CCDC148: variants seen among roughly 807,000 people sequenced by gnomAD.
CCDC148 encodes coiled-coil domain-containing protein 148.
In CCDC148, 89 loss-of-function variants were observed where a neutral mutation model predicts 85.7. The ratio of observed to expected loss-of-function variants is 1.04; its 90% CI spans 0.87 to 1.24. The LOEUF is 1.24. Ranked by LOEUF, CCDC148 falls within the 50% of genes most tolerant of loss-of-function variation. The probability of loss-of-function intolerance (pLI) is 0.00; values close to 1 mark genes in which losing one functional copy is unlikely to be tolerated. For synonymous variants in CCDC148, 230 were observed against 213.9 expected (o/e 1.08, Z -0.66); for missense variants, 692 against 671.7 (o/e 1.03, Z -0.33).
At chr2:158,348,592 T>A (rs1476826507) in intron 2 of CCDC148, among the ~76,000 whole-genome samples, 3 of 152,030 alleles carry the variant, frequency 2.0e-5, no homozygotes, top group Admixed American at 2.0e-4. Flanking sequence ...ATTGTAGGCT[T>A]TTTAAAAATC....
intron 2 of CCDC148, among the ~76,000 whole-genome samples, chr2:158,351,943 G>A (rs1341526919): frequency 6.8e-6 from 1 of 146,166 alleles, no homozygotes; most frequent in Non-Finnish European, 1.5e-5. Context: ...GCCTAACTGG[G>A]AGGCACCCCC....
At position 158,299,459 on chromosome 2, in the gene CCDC148, C is replaced by T. The variant is rs1691346222; in HGVS notation, c.1110+9974G>A. On this transcript the variant is annotated intron_variant, in intron 9 of 13. Transcript: ENST00000283233. ...CAAACTCCAATCTCTGCTTCTTTTACCTATCAAGACTATCATTTTCTGCTT... is the reference window on the plus strand; with the variant it reads ...CAAACTCCAATCTCTGCTTCTTTTATCTATCAAGACTATCATTTTCTGCTT... Among the ~76,000 whole-genome samples the T allele has an allele frequency of 3.3e-5, 5 of 152,324 alleles. No individual in the cohort carries two copies. In the South Asian group the frequency reaches 1.0e-3, roughly 32 times the overall value.
chr2:158,375,621 T>C (rs1324701898), intron 1 of CCDC148, among the ~76,000 whole-genome samples: 1 of 152,114 alleles, frequency 6.6e-6, no homozygotes, highest in African/African-American at 2.4e-5. Context: ...CACATTCTAA[T>C]TTTGTTCAGG....
rs1478674633 is a variant in CCDC148 at position 158,400,114 on chromosome 2, G to A, written c.26-41544C>T. Among the ~76,000 whole-genome samples, 10 of 152,214 alleles carry A rather than the reference G, an allele frequency of 6.6e-5. No individual in the cohort carries two copies. In the South Asian group the frequency reaches 1.9e-3, roughly 28 times the overall value. ...TCCATGGATAGGAAGAATCAATATC[G>A]TGAAAATGGCCATACCACCCAAGGT... On this transcript the variant is annotated intron_variant, in intron 1 of 13. Transcript: ENST00000283233.
chr2:158,377,857 ATGT>A (rs1331046306), intron 1 of CCDC148, among the ~76,000 whole-genome samples: 2 of 152,122 alleles, frequency 1.3e-5, no homozygotes, highest in Admixed American at 6.6e-5. Flanking sequence ...AACTTGATAA[ATGT>A]TGTGTGTATT....
chr2:158,455,491 C>A (rs1688611274), intron 1 of CCDC148, among the ~76,000 whole-genome samples: 1 of 152,032 alleles, frequency 6.6e-6, no homozygotes, highest in Non-Finnish European at 1.5e-5. Context: ...AAGCATATCA[C>A]CCAACTTAAA....
chr2:158,341,062 A>C (rs559311777), intron 3 of CCDC148, among the ~76,000 whole-genome samples: 1 of 152,308 alleles, frequency 6.6e-6, no homozygotes, highest in East Asian at 1.9e-4. Flanking sequence ...AGAGGAGGGT[A>C]TCAGACAAAT....
At chr2:158,198,233 T>C (rs906254881) in intron 11 of CCDC148, among the ~76,000 whole-genome samples, 3 of 152,196 alleles carry the variant, frequency 2.0e-5, no homozygotes, top group Admixed American at 6.5e-5. Context: ...TGTGTGTCCA[T>C]AGCACTTTGT....
At chr2:158,435,696 G>A (rs947260419) in intron 1 of CCDC148, among the ~76,000 whole-genome samples, 1 of 152,134 alleles carries the variant, frequency 6.6e-6, no homozygotes, top group Non-Finnish European at 1.5e-5. Context: ...TGGATAAAGA[G>A]TCAAGACCCA....
intron 10 of CCDC148, among the ~76,000 whole-genome samples, chr2:158,243,891 AT>A (rs35809631): frequency 0.059 from 8,724 of 147,914 alleles, 762 homozygotes; most frequent in African/African-American, 0.19. Flanking sequence ...CACCTTCAAC[AT>A]TTTTTTTTTT....
In CCDC148 at chr2:158,220,681, CT is replaced by C. The variant is rs776128627; in HGVS notation, c.1283del (p.Lys428SerfsTer7). 37 of 1,587,276 alleles carry C rather than the reference CT, an allele frequency of 2.3e-5. No individual in the cohort carries two copies. Among genetic ancestry groups the C allele is most frequent in the Non-Finnish European group, 3.0e-5 (35 of 1,173,402 alleles). On this transcript the variant is annotated frameshift_variant, in exon 11 of 14. Transcript: ENST00000283233. LOFTEE classifies it high-confidence loss of function. ...GATCTCTCATTTCCATTTCTTGCCA[CT>C]TCTGTTTTTTCTTGGCCCAGTATTT... ...IKKYWAKKKQ[K>X]WQEMEMRDLQ...
intron 1 of CCDC148, among the ~76,000 whole-genome samples, chr2:158,364,360 C>T (rs986733158): frequency 6.6e-6 from 1 of 152,088 alleles, no homozygotes; most frequent in African/African-American, 2.4e-5. Context: ...CAAGACAATC[C>T]TAGGCAAGAA....
At chr2:158,351,874 G>T (rs1479551159) in intron 2 of CCDC148, among the ~76,000 whole-genome samples, 1 of 150,304 alleles carries the variant, frequency 6.7e-6, no homozygotes. Context: ...CACAGCTGGA[G>T]ATCTGAGAAC....
chr2:158,277,653 G>C (rs952015996), intron 9 of CCDC148, among the ~76,000 whole-genome samples: 5 of 151,180 alleles, frequency 3.3e-5, no homozygotes, highest in Non-Finnish European at 5.9e-5. Context: ...CTGGAGTGCA[G>C]TGGCGTGATC....
intron 9 of CCDC148, among the ~76,000 whole-genome samples, chr2:158,265,411 A>G (rs908580566): frequency 1.3e-5 from 2 of 152,094 alleles, no homozygotes; most frequent in African/African-American, 4.8e-5. Context: ...GTTTTTTCAT[A>G]CGTGTGACTC....
intron 7 of CCDC148, among the ~76,000 whole-genome samples, chr2:158,336,821 G>T (rs1163228945): frequency 6.6e-6 from 1 of 151,994 alleles, no homozygotes; most frequent in Non-Finnish European, 1.5e-5. Context: ...TGTCCTCAAG[G>T]GGTTTACAGT....
At chr2:158,260,606 C>A (rs1448177867) in intron 9 of CCDC148, among the ~76,000 whole-genome samples, 1 of 151,888 alleles carries the variant, frequency 6.6e-6, no homozygotes, top group African/African-American at 2.4e-5. Context: ...AATTCCATAT[C>A]TATAAAAACC....
chr2:158,217,438 T>C (rs1369817998), intron 11 of CCDC148, among the ~76,000 whole-genome samples: 1 of 150,664 alleles, frequency 6.6e-6, no homozygotes, highest in East Asian at 1.9e-4. Flanking sequence ...CGTCTCGCTC[T>C]GTTGCCCAGG....
chr2:158,178,822 A>G lies in CCDC148; in HGVS notation c.1488+57T>C, dbSNP rs1028493820. 5 of 1,191,442 alleles carry G rather than the reference A, an allele frequency of 4.2e-6. No homozygotes were observed. The South Asian group carries it at 6.3e-5, about 15-fold the overall frequency. The allele number at this position is 1,191,442 out of a possible 1,614,324, so 73.8% of individuals were successfully genotyped here. A position where few individuals can be genotyped will look rare whatever the true frequency, so the allele number is the denominator to read the frequency against. ...CCCCAGTAAGAATGCTATTAAGAGC[A>G]CTTAGAAACATTTTTTTTAAAAAAA... On this transcript the variant is annotated intron_variant, in intron 12 of 13. Coordinates refer to ENST00000283233, the MANE Select transcript of CCDC148 (RefSeq NM_138803.4).
Sources: gnomAD v4.1 joint callset for allele counts (sites outside exome capture counted in the v4.1 genomes callset) on GRCh38, gnomAD v4.1.1 for gene constraint, MANE v1.5 for transcripts, NCBI Gene and HGNC (gene_info 2026-07-23, HGNC 2026-07-21) for gene names.